The following CCDC85A variants were observed in gnomAD, a reference collection of about 807,000 sequenced individuals.
CCDC85A encodes coiled-coil domain containing 85A, also known as coiled-coil domain-containing protein 85A.
A neutral mutation model predicts 50.2 loss-of-function variants in CCDC85A; 38 were observed. The observed-to-expected ratio is 0.76, with a 90% CI of 0.58 to 0.99. The LOEUF (loss-of-function observed/expected upper bound fraction) is 0.99. Among genes scored for constraint, CCDC85A ranks in the 50% least tolerant of loss-of-function variants. The pLI, the probability that CCDC85A is intolerant of heterozygous loss-of-function variation, is 0.00. For synonymous variants in CCDC85A, 366 were observed against 301.4 expected (o/e 1.21, Z -2.22); for missense variants, 820 against 742.0 (o/e 1.11, Z -1.22).
intron 3 of CCDC85A, among the ~76,000 whole-genome samples, chr2:56,355,782 A>G (rs184228277): frequency 6.6e-6 from 1 of 152,356 alleles, no homozygotes; most frequent in Admixed American, 6.5e-5. Context: ...ACTTAAATGT[A>G]GTATAGCAAG....
chr2:56,192,166 T>C lies in CCDC85A; in HGVS notation c.277-311T>C, dbSNP rs948664437. 6.6e-6 allele frequency among the ~76,000 whole-genome samples: 1 copy of C among 152,112 alleles called. No individual in the cohort carries two copies. Among genetic ancestry groups the C allele is most frequent in the African/African-American group, 2.4e-5 (1 of 41,406 alleles). Reference sequence around the variant, plus strand: ...TGGATGACATAATGCAAGTAAAGTATTGTGCAGGGATAGAACTGATACTTA... The same window carrying C: ...TGGATGACATAATGCAAGTAAAGTACTGTGCAGGGATAGAACTGATACTTA... On this transcript the variant is annotated intron_variant, in intron 1 of 5. Coordinates refer to ENST00000407595, the MANE Select transcript of CCDC85A (RefSeq NM_001080433.2). The surrounding 1 kb of genome is among the most constrained non-coding windows in gnomAD (Gnocchi z 4.7).
intron 2 of CCDC85A, among the ~76,000 whole-genome samples, chr2:56,335,503 G>T (rs1339392029): frequency 6.6e-6 from 1 of 152,122 alleles, no homozygotes; most frequent in East Asian, 1.9e-4. Flanking sequence ...CAGTTCTAGA[G>T]ACTGAGGAAT....
chr2:56,383,382 GTTA>G (rs1403471255), intron 5 of CCDC85A, among the ~76,000 whole-genome samples: 6 of 151,972 alleles, frequency 3.9e-5, no homozygotes. Flanking sequence ...GGGTATGGCT[GTTA>G]TTGTGCATGT....
intron 2 of CCDC85A, among the ~76,000 whole-genome samples, chr2:56,328,927 G>A (rs1292977106): frequency 2.0e-5 from 3 of 152,066 alleles, no homozygotes; most frequent in Non-Finnish European, 4.4e-5. Context: ...AAGGCAGCCA[G>A]AATGATCATT....
chr2:56,332,764 C>T (rs1200449971), intron 2 of CCDC85A, among the ~76,000 whole-genome samples: 2 of 149,340 alleles, frequency 1.3e-5, no homozygotes, highest in Non-Finnish European at 3.0e-5. Flanking sequence ...TTGAAATTAC[C>T]CACCACTGGT....
chr2:56,333,194 G>T, intron 2 of CCDC85A, among the ~76,000 whole-genome samples: 1 of 152,188 alleles, frequency 6.6e-6, no homozygotes. Context: ...AGCAGATCAG[G>T]AGTGTGGGTT....
rs145364327 is a variant in CCDC85A, at chr2:56,257,197, A to T, written c.1240+63757A>T. Among the ~76,000 whole-genome samples, 668 of 152,276 alleles carry T rather than the reference A, an allele frequency of 4.4e-3. 3 individuals carry two copies. Among genetic ancestry groups the T allele is most frequent in the Non-Finnish European group, 7.0e-3 (479 of 68,030 alleles). The stretch of plus-strand genomic sequence containing the variant: ...AAACTTAAGTACGTTTCAGTCCCTG[A>T]CATAAGGTATCTTCGAGTACCACTG... On this transcript the variant is annotated intron_variant, in intron 2 of 5. Transcript: ENST00000407595.
chr2:56,275,505 T>C (rs939106145), intron 2 of CCDC85A, among the ~76,000 whole-genome samples: 1 of 131,136 alleles, frequency 7.6e-6, no homozygotes, highest in Non-Finnish European at 1.7e-5. Flanking sequence ...TAACATCATA[T>C]AGACCACTCA....
At chr2:56,286,460 T>G (rs1671448955) in intron 2 of CCDC85A, among the ~76,000 whole-genome samples, 1 of 152,296 alleles carries the variant, frequency 6.6e-6, no homozygotes, top group South Asian at 2.1e-4. Context: ...TTCTATTGAT[T>G]TGTCTTCCAA....
chr2:56,203,882 G>A (rs1353881774), intron 2 of CCDC85A, among the ~76,000 whole-genome samples: 1 of 152,066 alleles, frequency 6.6e-6, no homozygotes, highest in Non-Finnish European at 1.5e-5. Context: ...AATTCCCATG[G>A]AGTTTAAAAA....
intron 2 of CCDC85A, among the ~76,000 whole-genome samples, chr2:56,289,762 T>C (rs1671618828): frequency 6.6e-6 from 1 of 152,222 alleles, no homozygotes; most frequent in African/African-American, 2.4e-5. Context: ...GTCATGAGTT[T>C]TCAATTAATG....
chr2:56,354,882 G>A (rs986246326), intron 3 of CCDC85A, among the ~76,000 whole-genome samples: 6 of 152,066 alleles, frequency 3.9e-5, no homozygotes, highest in Admixed American at 3.3e-4. Flanking sequence ...GGAGTCTTTT[G>A]AAAAACAGCC....
At chr2:56,233,140 A>C (rs1349320626) in intron 2 of CCDC85A, among the ~76,000 whole-genome samples, 1 of 152,084 alleles carries the variant, frequency 6.6e-6, no homozygotes, top group Non-Finnish European at 1.5e-5. Context: ...CTTAACTCTC[A>C]CTTCTTCAGA....
At chr2:56,314,017 G>A (rs954344577) in intron 2 of CCDC85A, among the ~76,000 whole-genome samples, 4 of 150,794 alleles carry the variant, frequency 2.7e-5, no homozygotes, top group African/African-American at 9.8e-5. Flanking sequence ...GATCAGCCAT[G>A]TTGTCAGGGG....
At chr2:56,287,809 C>T (rs564875474) in intron 2 of CCDC85A, among the ~76,000 whole-genome samples, 2 of 152,302 alleles carry the variant, frequency 1.3e-5, no homozygotes, top group East Asian at 1.9e-4. Flanking sequence ...GACATTGTAG[C>T]ACCCAGCATA....
intron 2 of CCDC85A, among the ~76,000 whole-genome samples, chr2:56,321,683 C>T (rs566264889): frequency 2.6e-4 from 39 of 152,088 alleles, no homozygotes; most frequent in African/African-American, 6.5e-4. Context: ...CTCGTGGATA[C>T]GAAGAACCAA....
chr2:56,281,969 C>G (rs1390292513), intron 2 of CCDC85A, among the ~76,000 whole-genome samples: 3 of 152,046 alleles, frequency 2.0e-5, no homozygotes, highest in African/African-American at 4.8e-5. Context: ...ATTTTGTGGT[C>G]TGTACTTGTA....
chr2:56,279,396 C>A (rs1671104423), intron 2 of CCDC85A, among the ~76,000 whole-genome samples: 3 of 152,026 alleles, frequency 2.0e-5, no homozygotes. Context: ...ACCTCCATAA[C>A]CATTAATAGT....
chr2:56,217,847 T>C (rs913358016), intron 2 of CCDC85A, among the ~76,000 whole-genome samples: 3 of 151,886 alleles, frequency 2.0e-5, no homozygotes, highest in Admixed American at 2.0e-4. Flanking sequence ...CATCTCTGAA[T>C]GTGATTTGCC....
Sources: allele counts gnomAD v4.1 joint callset (sites outside exome capture counted in the v4.1 genomes callset), GRCh38; gene constraint gnomAD v4.1.1; non-coding constraint Gnocchi (gnomAD v3.1); transcripts MANE v1.5; gene names NCBI Gene and HGNC (gene_info 2026-07-23, HGNC 2026-07-21).